Variants in GCNT2 observed in about 807,000 individuals in gnomAD.
The protein encoded by GCNT2 is glucosaminyl (N-acetyl) transferase 2 (I blood group).
GCNT2 carries 34 observed loss-of-function variants against 34.2 expected under a neutral mutation model. The observed-to-expected ratio is 1.00, with a 90% confidence interval of 0.76 to 1.32. The LOEUF (loss-of-function observed/expected upper bound fraction) is 1.32, where lower values mean the gene tolerates loss of function less well. Ranked by LOEUF, GCNT2 falls within the 40% of genes most tolerant of loss-of-function variation. The pLI, the probability that GCNT2 is intolerant of heterozygous loss-of-function variation, is 0.00. For synonymous variants in GCNT2, 212 were observed against 188.0 expected, an observed-to-expected ratio of 1.13 and a Z score of -1.04; for missense variants, 584 against 489.4, an observed-to-expected ratio of 1.19 and a Z score of -1.82.
At chr6:10,540,331 T>A (rs1281554025) in intron 3 of GCNT2, among the ~76,000 whole-genome samples, 1 of 152,186 alleles carries the variant, frequency 6.6e-6, no homozygotes, top group African/African-American at 2.4e-5. Context: ...CTCCACAACC[T>A]GTTCATGCTG....
chr6:10,528,852 TATATCTA>T lies in GCNT2; in HGVS notation c.-59_-53del. The T allele has an allele frequency of 7.5e-7, 1 of 1,335,930 alleles. No individual in the cohort carries two copies. Among genetic ancestry groups the T allele is most frequent in the Non-Finnish European group, 1.1e-6 (1 of 928,422 alleles). The allele number at this position is 1,335,930 out of a possible 1,614,324, so 82.8% of individuals were successfully genotyped here. On this transcript the variant is annotated 5_prime_UTR_variant, in exon 3 of 5. Transcript: ENST00000495262. ...GAACCTGGAGAAAATGTAAGTTAAATATATCTACACTCTGATCCTATCTCAAGAGAGA... is the reference window on the plus strand; with the variant it reads ...GAACCTGGAGAAAATGTAAGTTAAATCACTCTGATCCTATCTCAAGAGAGA...
In GCNT2 at chr6:10,582,448, TAA is replaced by T. The variant is rs1367860992; in HGVS notation, c.926-38902_926-38901del. On this transcript the variant is annotated intron_variant, in intron 3 of 4. Transcript: ENST00000495262. ...ATACTATAATTTAATATTTATTATATAATATATATAATAAATATAATATATAC... is the reference window on the plus strand; with the variant it reads ...ATACTATAATTTAATATTTATTATATTATATATAATAAATATAATATATAC... Among the ~76,000 whole-genome samples the T allele has an allele frequency of 4.3e-3, 552 of 127,392 alleles. 17 individuals are homozygous for T. The highest frequency in any genetic ancestry group is 0.015 in the African/African-American group (493 of 32,808). 83.6% of individuals were successfully genotyped at this position (127,392 alleles called of 152,430 possible). A position where few individuals can be genotyped will look rare whatever the true frequency, so the allele number is the denominator to read the frequency against.
At chr6:10,600,870 A>C (rs1247089577) in intron 3 of GCNT2, among the ~76,000 whole-genome samples, 1 of 152,034 alleles carries the variant, frequency 6.6e-6, no homozygotes, top group East Asian at 1.9e-4. Flanking sequence ...GGCTTATTGC[A>C]GCCTCCACCT....
intron 3 of GCNT2, chr6:10,557,433 G>A: frequency 1.0e-6 from 1 of 974,714 alleles, no homozygotes; most frequent in Non-Finnish European, 1.6e-6. Flanking sequence ...GGAAGTAGAA[G>A]ATGAAAACTG....
chr6:10,553,979 C>A (rs1762587504), intron 3 of GCNT2, among the ~76,000 whole-genome samples: 1 of 152,078 alleles, frequency 6.6e-6, no homozygotes, highest in Non-Finnish European at 1.5e-5. Flanking sequence ...CTAAGATGGC[C>A]CCAGGGGAGT....
intron 3 of GCNT2, among the ~76,000 whole-genome samples, chr6:10,530,465 G>T (rs1761431210): frequency 6.6e-6 from 1 of 152,182 alleles, no homozygotes; most frequent in Admixed American, 6.5e-5. Flanking sequence ...ATGACAATTT[G>T]AAGATTTCAT....
chr6:10,576,475 G>T (rs1173383027), intron 3 of GCNT2, among the ~76,000 whole-genome samples: 1 of 152,162 alleles, frequency 6.6e-6, no homozygotes, highest in East Asian at 1.9e-4. Context: ...GTAATCGTGA[G>T]TTTCCTAGAT....
chr6:10,554,888 A>C (rs1762625163), intron 3 of GCNT2, among the ~76,000 whole-genome samples: 1 of 152,194 alleles, frequency 6.6e-6, no homozygotes, highest in Non-Finnish European at 1.5e-5. Flanking sequence ...AAACGCATGA[A>C]AAATGTAAAC....
intron 3 of GCNT2, among the ~76,000 whole-genome samples, chr6:10,582,976 A>G (rs1764186882): frequency 6.6e-6 from 1 of 152,124 alleles, no homozygotes; most frequent in Non-Finnish European, 1.5e-5. Context: ...TAAAGAGGTT[A>G]AGTAACTTTA....
chr6:10,527,962 T>C (rs1761282049), intron 2 of GCNT2, among the ~76,000 whole-genome samples: 2 of 152,178 alleles, frequency 1.3e-5, no homozygotes, highest in African/African-American at 2.4e-5. Flanking sequence ...TCTTCTCTCC[T>C]TCCTCTAAGC....
intron 4 of GCNT2, among the ~76,000 whole-genome samples, chr6:10,624,300 C>A (rs999863250): frequency 6.6e-6 from 1 of 152,134 alleles, no homozygotes; most frequent in African/African-American, 2.4e-5. Flanking sequence ...CACAGTTCCA[C>A]GTGACTGGGG....
At chr6:10,546,424 C>T (rs1363201238) in intron 3 of GCNT2, among the ~76,000 whole-genome samples, 2 of 152,048 alleles carry the variant, frequency 1.3e-5, no homozygotes, top group African/African-American at 2.4e-5. Context: ...TTTGGGAAGC[C>T]GAGGTGGGCG....
At chr6:10,597,153 CTTT>C (rs33945698) in intron 3 of GCNT2, among the ~76,000 whole-genome samples, 4 of 112,596 alleles carry the variant, frequency 3.6e-5, no homozygotes, top group African/African-American at 6.7e-5. Flanking sequence ...TAGGAATTGC[CTTT>C]TTTTTTTTTT....
chr6:10,549,536 ACTTC>A (rs1352185762), intron 3 of GCNT2, among the ~76,000 whole-genome samples: 2 of 138,248 alleles, frequency 1.4e-5, no homozygotes, highest in Non-Finnish European at 3.1e-5. Context: ...TTTCTGCCTT[ACTTC>A]CTTTCTCTCT....
chr6:10,540,603 G>A (rs1761998399), intron 3 of GCNT2, among the ~76,000 whole-genome samples: 1 of 152,066 alleles, frequency 6.6e-6, no homozygotes, highest in South Asian at 2.1e-4. Flanking sequence ...ATTGGCCCAG[G>A]ACCTAGACTT....
intron 3 of GCNT2, among the ~76,000 whole-genome samples, chr6:10,566,113 G>A (rs1004432785): frequency 2.0e-5 from 3 of 151,228 alleles, no homozygotes; most frequent in Non-Finnish European, 2.9e-5. Flanking sequence ...CTGCCCTGAC[G>A]CATGCAGTCC....
At chr6:10,584,087 T>C (rs934972953) in intron 3 of GCNT2, among the ~76,000 whole-genome samples, 9 of 152,074 alleles carry the variant, frequency 5.9e-5, no homozygotes, top group Non-Finnish European at 8.8e-5. Flanking sequence ...ACACCGGTGC[T>C]CACTTACTCT....
rs533689099 is a variant in GCNT2 at position 10,585,826 on chromosome 6, C to T, written c.926-35525C>T. On this transcript the variant is annotated intron_variant, in intron 3 of 4. Transcript: ENST00000495262. ...CATCCAAAAAGGATGGACGAGACAC[C>T]GAAGCAGAGGATACAGGAGGATTAA... The T allele has an allele frequency of 4.7e-4, 692 of 1,459,298 alleles. 1 individual carries two copies. The highest frequency in any genetic ancestry group is 3.5e-4 in the Non-Finnish European group (390 of 1,113,688). The allele number at this position is 1,459,298 out of a possible 1,614,324, so 90.4% of individuals were successfully genotyped here.
At chr6:10,577,805 T>C (rs1048923967) in intron 3 of GCNT2, among the ~76,000 whole-genome samples, 1 of 152,044 alleles carries the variant, frequency 6.6e-6, no homozygotes, top group African/African-American at 2.4e-5. Flanking sequence ...CCTCCCAAAG[T>C]GCTGGAATTA....
Sources: allele counts gnomAD v4.1 joint callset (sites outside exome capture counted in the v4.1 genomes callset), GRCh38; gene constraint gnomAD v4.1.1; transcripts MANE v1.5; gene names NCBI Gene and HGNC (gene_info 2026-07-23, HGNC 2026-07-21).